PACRG: variants seen among roughly 807,000 people sequenced by gnomAD.
PACRG encodes parkin coregulated.
A neutral mutation model predicts 29.7 loss-of-function variants in PACRG; 29 were observed. The observed-to-expected ratio is 0.98, with a 90% CI of 0.73 to 1.33. PACRG has a LOEUF of 1.33. PACRG is among the 40% of genes most tolerant of loss of function. The pLI is 0.00. For synonymous variants in PACRG, 116 were observed against 118.7 expected, an observed-to-expected ratio of 0.98 and a Z score of 0.15; for missense variants, 279 against 316.2, an observed-to-expected ratio of 0.88 and a Z score of 0.89.
intron 4 of PACRG, among the ~76,000 whole-genome samples, chr6:163,188,634 G>A (rs1388749463): frequency 2.6e-5 from 4 of 152,210 alleles, no homozygotes; most frequent in Admixed American, 2.6e-4. Context: ...CAGTTCTAAA[G>A]CGTGGCCTGA....
At chr6:162,847,086 C>CCCACTGTGCTCCCCACACTGT (rs1231075471) in intron 2 of PACRG, among the ~76,000 whole-genome samples, 8,405 of 110,954 alleles carry the variant, frequency 0.076, 398 homozygotes, top group East Asian at 0.29. Context: ...CCCCACACTG[C>CCCACTGTGCTCCCCACACTGT]CCACTGTGCT....
chr6:163,028,052 C>G (rs1807306894), intron 2 of PACRG, among the ~76,000 whole-genome samples: 1 of 152,172 alleles, frequency 6.6e-6, no homozygotes, highest in Non-Finnish European at 1.5e-5. Flanking sequence ...CCATGGTGCT[C>G]TAGATGCCAG....
chr6:163,216,382 G>A (rs979911231), intron 4 of PACRG, among the ~76,000 whole-genome samples: 15 of 152,170 alleles, frequency 9.9e-5, no homozygotes, highest in Non-Finnish European at 2.1e-4. Context: ...GGTGGAGGAT[G>A]GGCAGAAGAC....
intron 4 of PACRG, among the ~76,000 whole-genome samples, chr6:163,204,075 A>G (rs1780808441): frequency 6.6e-6 from 1 of 152,244 alleles, no homozygotes; most frequent in Non-Finnish European, 1.5e-5. Flanking sequence ...AACTAAAAAT[A>G]TGAAGTGATA....
chr6:163,141,834 G>A (rs1777547786), intron 4 of PACRG, among the ~76,000 whole-genome samples: 1 of 151,998 alleles, frequency 6.6e-6, no homozygotes, highest in African/African-American at 2.4e-5. Flanking sequence ...AATCCACAAA[G>A]TAAAGGATCA....
intron 2 of PACRG, among the ~76,000 whole-genome samples, chr6:162,830,286 G>C (rs1350160727): frequency 2.6e-5 from 4 of 152,112 alleles, no homozygotes; most frequent in South Asian, 4.1e-4. Context: ...TCACTGGCAG[G>C]TTAGAAGCCC....
At chr6:163,064,822 A>G (rs893100808) in intron 3 of PACRG, among the ~76,000 whole-genome samples, 2 of 148,804 alleles carry the variant, frequency 1.3e-5, no homozygotes, top group Non-Finnish European at 3.0e-5. Context: ...CACCATTACC[A>G]GCAAGCAGAC....
At chr6:162,769,062 A>G (rs1222080115) in intron 1 of PACRG, among the ~76,000 whole-genome samples, 1 of 152,158 alleles carries the variant, frequency 6.6e-6, no homozygotes, top group Non-Finnish European at 1.5e-5. Flanking sequence ...TTTTCCCACC[A>G]TGGTAAATGT....
chr6:162,892,515 T>C (rs903957920), intron 2 of PACRG, among the ~76,000 whole-genome samples: 10 of 152,160 alleles, frequency 6.6e-5, no homozygotes, highest in African/African-American at 2.4e-4. Context: ...CTTCTCTCTT[T>C]ACCCTAACAA....
At chr6:163,147,450 A>T (rs1777846115) in intron 4 of PACRG, among the ~76,000 whole-genome samples, 1 of 152,222 alleles carries the variant, frequency 6.6e-6, no homozygotes, top group African/African-American at 2.4e-5. Flanking sequence ...TGAGACTCAG[A>T]GGCTGGGTTG....
chr6:162,746,024 C>G (rs1359800593), intron 1 of PACRG, among the ~76,000 whole-genome samples: 2 of 151,914 alleles, frequency 1.3e-5, no homozygotes, highest in African/African-American at 4.8e-5. Context: ...ATTGATGTGA[C>G]ATAGATTAGA....
intron 4 of PACRG, among the ~76,000 whole-genome samples, chr6:163,119,098 T>A (rs1490064847): frequency 2.6e-5 from 4 of 151,996 alleles, no homozygotes; most frequent in African/African-American, 4.8e-5. Flanking sequence ...TCCACAAGAG[T>A]CCCCGCTGCA....
chr6:163,122,836 C>A (rs553657500), intron 4 of PACRG, among the ~76,000 whole-genome samples: 9 of 152,182 alleles, frequency 5.9e-5, no homozygotes, highest in African/African-American at 2.2e-4. Context: ...GTTACCATCA[C>A]CACAACAAGG....
At chr6:163,050,389 C>G (rs987901445) in intron 2 of PACRG, among the ~76,000 whole-genome samples, 1 of 152,032 alleles carries the variant, frequency 6.6e-6, no homozygotes, top group South Asian at 2.1e-4. Flanking sequence ...ATCTTCCTTG[C>G]TATTCCTTTC....
rs115434121 is a variant in PACRG at position 163,087,390 on chromosome 6, G to A, written c.464-1869G>A. On this transcript the variant is annotated intron_variant, in intron 3 of 4. Transcript: ENST00000366888. ...ATGGTGAAAATGGAGACTGGGACTG[G>A]AAGAGAGAAGATGAAAATAAAGACC... Among the ~76,000 whole-genome samples the A allele has an allele frequency of 4.9e-3, 740 of 150,120 alleles. 5 individuals are homozygous for A. The highest frequency in any genetic ancestry group is 0.018 in the African/African-American group (714 of 40,636).
chr6:163,097,643 C>T (rs1269625173), intron 4 of PACRG, among the ~76,000 whole-genome samples: 1 of 152,094 alleles, frequency 6.6e-6, no homozygotes, highest in African/African-American at 2.4e-5. Context: ...GTGGGGTATA[C>T]ATTGGTTTGG....
At chr6:163,272,168 A>G (rs1408030791) in intron 4 of PACRG, among the ~76,000 whole-genome samples, 2 of 151,626 alleles carry the variant, frequency 1.3e-5, no homozygotes, top group East Asian at 3.9e-4. Context: ...CCTCCCAAAT[A>G]GCTGGGACTA....
chr6:162,875,117 A>G (rs1251679070), intron 2 of PACRG, among the ~76,000 whole-genome samples: 2 of 152,152 alleles, frequency 1.3e-5, no homozygotes, highest in Admixed American at 6.5e-5. Context: ...ACACTCACAC[A>G]TACATAGTCA....
At chr6:163,179,431 G>T in intron 4 of PACRG, 1 of 308,396 alleles carries the variant, frequency 3.2e-6, no homozygotes, top group Non-Finnish European at 6.5e-6. Context: ...AAATCGTGGT[G>T]GCTCACGCTT....
Sources: allele counts gnomAD v4.1 joint callset (sites outside exome capture counted in the v4.1 genomes callset), GRCh38; gene constraint gnomAD v4.1.1; transcripts MANE v1.5; gene names NCBI Gene and HGNC (gene_info 2026-07-23, HGNC 2026-07-21).